EIF4G3: variants seen among roughly 807,000 people sequenced by gnomAD.
EIF4G3 encodes the protein eukaryotic translation initiation factor 4 gamma 3, also known as eIF-4-gamma 3.
Under a neutral mutation model 186.4 loss-of-function variants are expected in EIF4G3, and 34 were observed. That is an observed-to-expected ratio of 0.18 (90% confidence interval 0.14 to 0.24). The LOEUF is 0.24. Among genes scored for constraint, EIF4G3 ranks in the 10% least tolerant of loss-of-function variants. EIF4G3 has a pLI of 1.00. For missense variants in EIF4G3, 1,536 were observed against 1,948.5 expected, an observed-to-expected ratio of 0.79 and a Z score of 3.99; for synonymous variants, 673 against 679.5, an observed-to-expected ratio of 0.99 and a Z score of 0.15.
At chr1:21,163,696 G>A (rs1192441423) in intron 2 of EIF4G3, among the ~76,000 whole-genome samples, 1 of 152,070 alleles carries the variant, frequency 6.6e-6, no homozygotes, top group African/African-American at 2.4e-5. Flanking sequence ...TCTTTAATGT[G>A]GTCTTTTCCT....
intron 2 of EIF4G3, among the ~76,000 whole-genome samples, chr1:21,106,873 T>C (rs970339197): frequency 3.9e-5 from 6 of 152,160 alleles, no homozygotes; most frequent in African/African-American, 1.2e-4. Context: ...GAAATGACTA[T>C]TGTATTCAAA....
Position 20,825,138 on chromosome 1 carries a change from G to C in EIF4G3, c.4330C>G (p.Pro1444Ala), listed in dbSNP as rs2063283497. The change falls in exon 33 of 37, where the codon CCA (proline) becomes GCA (alanine). Residue 1444 changes from proline to alanine, a missense_variant. By Grantham distance (27) the Pro-to-Ala change is conservative. This residue lies in a region of EIF4G3 where 395 missense variants were observed against 498.9 expected (regional missense o/e 0.79). Coordinates refer to ENST00000602326, the MANE Select transcript of EIF4G3 (RefSeq NM_001391906.1). ...AAATTATGTACATCTTCTCCTTCTG[G>C]TAAAAAGTCCTTCCAGCTGAGGTCA... ...EADLSWKDFL[P>A]EGEDVHNFLL... 1.2e-6 allele frequency: 2 copies of C among 1,611,658 alleles called. No homozygotes were observed. Among genetic ancestry groups the C allele is most frequent in the Non-Finnish European group, 1.7e-6 (2 of 1,179,070 alleles).
At chr1:21,081,643 T>A (rs2095791561) in intron 3 of EIF4G3, among the ~76,000 whole-genome samples, 2 of 147,806 alleles carry the variant, frequency 1.4e-5, no homozygotes, top group South Asian at 2.2e-4. Flanking sequence ...CCAATTTTTT[T>A]TTTTTTTTTT....
chr1:20,945,698 CAAGCAATCCTCCTGCCTCGT>C (rs1032341055), intron 13 of EIF4G3, among the ~76,000 whole-genome samples: 4 of 152,134 alleles, frequency 2.6e-5, no homozygotes, highest in Non-Finnish European at 4.4e-5. Flanking sequence ...TTCTTGAGCT[CAAGCAATCCTCCTGCCTCGT>C]AAGCAATCCT....
chr1:20,955,163 C>A (rs1018533077), intron 12 of EIF4G3, among the ~76,000 whole-genome samples: 7 of 152,114 alleles, frequency 4.6e-5, no homozygotes, highest in Non-Finnish European at 1.0e-4. Flanking sequence ...TGGTCTTTAT[C>A]CCCATAGCAA....
At chr1:21,062,252 G>A (rs970073316) in intron 3 of EIF4G3, among the ~76,000 whole-genome samples, 2 of 150,950 alleles carry the variant, frequency 1.3e-5, no homozygotes, top group Admixed American at 6.6e-5. Flanking sequence ...GTGAGACAGG[G>A]CCTCACTATG....
chr1:20,896,435 C>CAAAAAAAAAAAAAAAAAA (rs201025308), intron 16 of EIF4G3, among the ~76,000 whole-genome samples: 2 of 54,652 alleles, frequency 3.7e-5, no homozygotes, highest in East Asian at 4.6e-4. Context: ...GATTCTATCT[C>CAAAAAAAAAAAAAAAAAA]AAAAAAAAAA....
At chr1:20,837,337 C>T (rs1328246375) in intron 30 of EIF4G3, among the ~76,000 whole-genome samples, 1 of 152,180 alleles carries the variant, frequency 6.6e-6, no homozygotes, top group Non-Finnish European at 1.5e-5. Flanking sequence ...TCCCGAGCAG[C>T]TGGGATTACA....
chr1:20,809,023 G>C (rs188517121), intron 36 of EIF4G3, among the ~76,000 whole-genome samples: 3 of 152,082 alleles, frequency 2.0e-5, no homozygotes, highest in African/African-American at 7.2e-5. Flanking sequence ...GCCCAGGCTG[G>C]AGTGCAGTGG....
intron 3 of EIF4G3, among the ~76,000 whole-genome samples, chr1:21,055,396 T>A (rs1051101652): frequency 2.6e-5 from 4 of 152,060 alleles, no homozygotes; most frequent in Non-Finnish European, 4.4e-5. Context: ...AATTTGCCCA[T>A]GACAATTAAA....
intron 3 of EIF4G3, among the ~76,000 whole-genome samples, chr1:21,056,977 G>A (rs1183485288): frequency 2.6e-5 from 4 of 152,264 alleles, no homozygotes; most frequent in South Asian, 2.1e-4. Flanking sequence ...AAATATGCCC[G>A]AGAAACATTT....
At chr1:20,975,056 T>C (rs1008830108) in intron 10 of EIF4G3, among the ~76,000 whole-genome samples, 5 of 152,134 alleles carry the variant, frequency 3.3e-5, no homozygotes, top group African/African-American at 1.2e-4. Flanking sequence ...ACCAGAATTC[T>C]GTAGGTATCA....
chr1:21,153,014 T>A (rs957000472), intron 2 of EIF4G3, among the ~76,000 whole-genome samples: 1 of 152,334 alleles, frequency 6.6e-6, no homozygotes, highest in African/African-American at 2.4e-5. Flanking sequence ...AATTTTTAAA[T>A]AATCACAAAA....
intron 13 of EIF4G3, among the ~76,000 whole-genome samples, chr1:20,944,619 C>G (rs1027583580): frequency 1.3e-5 from 2 of 151,978 alleles, no homozygotes; most frequent in African/African-American, 4.8e-5. Flanking sequence ...CATTAAATAT[C>G]TAATAAGAGT....
intron 3 of EIF4G3, among the ~76,000 whole-genome samples, chr1:21,086,624 G>A (rs1049787040): frequency 2.6e-5 from 4 of 151,890 alleles, no homozygotes; most frequent in Non-Finnish European, 5.9e-5. Context: ...CTAATCAAAG[G>A]TTCTTAATCT....
chr1:20,830,326 A>G (rs2064794147), intron 30 of EIF4G3, among the ~76,000 whole-genome samples: 1 of 152,202 alleles, frequency 6.6e-6, no homozygotes, highest in African/African-American at 2.4e-5. Flanking sequence ...ACTTCAAAAC[A>G]GTTTGCAGCT....
At chr1:21,071,147 G>A (rs1264455502) in intron 3 of EIF4G3, among the ~76,000 whole-genome samples, 2 of 152,202 alleles carry the variant, frequency 1.3e-5, no homozygotes, top group Admixed American at 6.5e-5. Flanking sequence ...GCTCGTGCCT[G>A]TAATCTCAAA....
chr1:20,893,563 G>A lies in EIF4G3; in HGVS notation c.2207C>T (p.Ala736Val). Residue 736 changes from alanine to valine, a missense_variant, in exon 18 of 37, where the codon GCC becomes GTC. By Grantham distance (64) the Ala-to-Val change is moderately conservative. This residue lies in a region of EIF4G3 where 139 missense variants were observed against 192.8 expected (regional missense o/e 0.72). Coordinates refer to ENST00000602326, the MANE Select transcript of EIF4G3 (RefSeq NM_001391906.1). ...TGTCTGCCTTCCAAAATCAGCAAAG[G>A]CTGGTGTAAAGTCTGGTCCTCGAGG... ...ILPRGPDFTP[A>V]FADFGRQTPG... 6.2e-7 allele frequency: 1 copy of A among 1,601,918 alleles called. No homozygotes were observed. The highest frequency in any genetic ancestry group is 8.5e-7 in the Non-Finnish European group (1 of 1,171,050).
At chr1:20,992,057 T>C (rs1006044746) in intron 7 of EIF4G3, among the ~76,000 whole-genome samples, 2 of 152,220 alleles carry the variant, frequency 1.3e-5, no homozygotes, top group East Asian at 1.9e-4. Flanking sequence ...GAAGCTGAAA[T>C]TGAATCCCAG....
Sources: gnomAD v4.1 joint callset for allele counts (sites outside exome capture counted in the v4.1 genomes callset) on GRCh38, gnomAD v4.1.1 for gene constraint, gnomAD v4.1.1 regional missense constraint, MANE v1.5 for transcripts, NCBI Gene and HGNC (gene_info 2026-07-23, HGNC 2026-07-21) for gene names.